The following NSG1 variants were observed in gnomAD, a reference collection of about 807,000 sequenced individuals.
The protein encoded by NSG1 is neuronal vesicle trafficking associated 1.
A neutral mutation model predicts 19.3 loss-of-function variants in NSG1; 9 were observed. The observed-to-expected ratio is 0.47, with a 90% CI of 0.28 to 0.81. The LOEUF (loss-of-function observed/expected upper bound fraction) is 0.81, where lower values mean the gene tolerates loss of function less well. Among genes scored for constraint, NSG1 ranks in the 40% least tolerant of loss-of-function variants. The pLI, the probability that NSG1 is intolerant of heterozygous loss-of-function variation, is 0.11. For missense variants in NSG1, 236 were observed against 242.4 expected, an observed-to-expected ratio of 0.97 and a Z score of 0.18; for synonymous variants, 104 against 107.0, an observed-to-expected ratio of 0.97 and a Z score of 0.17.
chr4:4,416,431 A>G (rs115798205), intron 4 of NSG1, among the ~76,000 whole-genome samples: 3,570 of 152,294 alleles, frequency 0.023, 141 homozygotes, highest in African/African-American at 0.08. Context: ...TGGATTCCCC[A>G]TGGGGGCTGG....
intron 2 of NSG1, among the ~76,000 whole-genome samples, chr4:4,391,105 C>T (rs1407898936): frequency 6.6e-6 from 1 of 152,208 alleles, no homozygotes; most frequent in African/African-American, 2.4e-5. Context: ...GCAGGTGCAG[C>T]CTCCCAGCTT....
intron 3 of NSG1, among the ~76,000 whole-genome samples, chr4:4,408,620 C>G (rs1338332577): frequency 1.3e-5 from 2 of 152,204 alleles, no homozygotes; most frequent in Non-Finnish European, 2.9e-5. Context: ...CACCAACATG[C>G]CCGGCTAATT....
In NSG1 at chr4:4,411,784, A is replaced by AC. The variant is rs1491253266; in HGVS notation, c.357+2101_357+2102insC. The stretch of plus-strand genomic sequence containing the variant: ...AAAACAAAACAAAACAAAACAAAAC[A>AC]AAACAAAACATTGCCTTCTTCCAGA... On this transcript the variant is annotated intron_variant, in intron 4 of 4. Transcript: ENST00000621129. Among the ~76,000 whole-genome samples, 316 of 97,416 alleles carry AC rather than the reference A, an allele frequency of 3.2e-3. 9 individuals carry two copies. Among genetic ancestry groups the AC allele is most frequent in the African/African-American group, 0.031 (277 of 9,024 alleles). 63.9% of individuals were successfully genotyped at this position (97,416 alleles called of 152,430 possible).
chr4:4,410,975 A>C (rs1255854240), intron 4 of NSG1, among the ~76,000 whole-genome samples: 2 of 152,094 alleles, frequency 1.3e-5, no homozygotes, highest in African/African-American at 4.8e-5. Flanking sequence ...CTTCTGCCTC[A>C]GTCTCCTGAG....
intron 3 of NSG1, among the ~76,000 whole-genome samples, chr4:4,408,938 C>G (rs1022408892): frequency 2.0e-5 from 3 of 152,242 alleles, no homozygotes; most frequent in African/African-American, 7.2e-5. Flanking sequence ...CTGTAAACAC[C>G]AGCTGAACAC....
intron 3 of NSG1, among the ~76,000 whole-genome samples, chr4:4,408,296 C>T (rs550222588): frequency 6.7e-4 from 102 of 152,124 alleles, no homozygotes; most frequent in Non-Finnish European, 1.2e-3. Flanking sequence ...CTCCAGGCTG[C>T]TGGGAGGGGC....
In NSG1 at chr4:4,416,017, C is replaced by T. The variant is rs1449265252; in HGVS notation, c.358-1218C>T. ...AGACGCTGTTGATAAAAGGGCTGTACTTCAGTGGTGTCTTTTGGCTTTCTT... is the reference window on the plus strand; with the variant it reads ...AGACGCTGTTGATAAAAGGGCTGTATTTCAGTGGTGTCTTTTGGCTTTCTT... On this transcript the variant is annotated intron_variant, in intron 4 of 4. Coordinates refer to ENST00000621129, the MANE Select transcript of NSG1 (RefSeq NM_014392.5). 39 of 692,526 alleles carry T rather than the reference C, an allele frequency of 5.6e-5. 1 individual carries two copies. Among genetic ancestry groups the T allele is most frequent in the Non-Finnish European group, 4.5e-5 (17 of 380,300 alleles). The allele number at this position is 692,526 out of a possible 1,614,324, so 42.9% of individuals were successfully genotyped here.
chr4:4,408,134 C>T (rs73084375), intron 3 of NSG1, among the ~76,000 whole-genome samples: 5,359 of 152,196 alleles, frequency 0.035, 315 homozygotes, highest in African/African-American at 0.12. Context: ...GTTCCTGAAG[C>T]GGGCAGGGCT....
At position 4,417,392 on chromosome 4, in the gene NSG1, A is replaced by G; in HGVS notation, c.515A>G (p.Lys172Arg). The G allele has an allele frequency of 6.2e-7, 1 of 1,614,228 alleles. No individual in the cohort carries two copies. Among genetic ancestry groups the G allele is most frequent in the Non-Finnish European group, 8.5e-7 (1 of 1,180,046 alleles). The part of the protein sequence containing the change: ...SPWMSVLSEE[K>R]LSEQETEAAE... ...TGGATGTCAGTTCTGTCAGAAGAGAAGCTGTCCGAGCAGGAGACTGAAGCG... is the reference window on the plus strand; with the variant it reads ...TGGATGTCAGTTCTGTCAGAAGAGAGGCTGTCCGAGCAGGAGACTGAAGCG... The change falls in exon 5 of 5, where the codon AAG (lysine) becomes AGG (arginine). Residue 172 changes from lysine to arginine, a missense_variant. Coordinates refer to ENST00000621129, the MANE Select transcript of NSG1 (RefSeq NM_014392.5).
At chr4:4,388,084 G>C (rs1419390686) in intron 2 of NSG1, among the ~76,000 whole-genome samples, 1 of 152,230 alleles carries the variant, frequency 6.6e-6, no homozygotes, top group African/African-American at 2.4e-5. Flanking sequence ...TTGCCCCGTG[G>C]CCCCAGGGGC....
chr4:4,397,217 G>A (rs1034947163), intron 3 of NSG1, among the ~76,000 whole-genome samples: 1 of 151,886 alleles, frequency 6.6e-6, no homozygotes, highest in Admixed American at 6.6e-5. Flanking sequence ...CTCCGCCTGA[G>A]GGTAGGAGGA....
chr4:4,397,965 A>C (rs1229381797), intron 3 of NSG1, among the ~76,000 whole-genome samples: 5 of 150,106 alleles, frequency 3.3e-5, no homozygotes, highest in Admixed American at 2.0e-4. Context: ...TTTCTTTTTT[A>C]CTTTTTGAGA....
chr4:4,387,787 C>A (rs750851255), intron 2 of NSG1, 29 bp downstream of exon 2: 3 of 1,566,730 alleles, frequency 1.9e-6, no homozygotes, highest in Non-Finnish European at 2.6e-6. Flanking sequence ...CTCCACGTTG[C>A]CGGGTGTGCA....
intron 4 of NSG1, chr4:4,416,034 G>C (rs1724512959): frequency 1.4e-6 from 1 of 698,202 alleles, no homozygotes; most frequent in Non-Finnish European, 2.6e-6. Flanking sequence ...GGTGTCTTTT[G>C]GCTTTCTTTT....
At chr4:4,394,656 C>T (rs986549265) in intron 3 of NSG1, among the ~76,000 whole-genome samples, 2 of 152,222 alleles carry the variant, frequency 1.3e-5, no homozygotes, top group Non-Finnish European at 2.9e-5. Context: ...GGAACTTACT[C>T]ATCAGCCGCT....
At chr4:4,416,629 C>T (rs974065636) in intron 4 of NSG1, among the ~76,000 whole-genome samples, 2 of 152,166 alleles carry the variant, frequency 1.3e-5, no homozygotes, top group African/African-American at 2.4e-5. Flanking sequence ...TCCTGATAAA[C>T]CTCTGTAAGA....
chr4:4,412,890 T>A lies in NSG1; in HGVS notation c.357+3207T>A, dbSNP rs567094469. 4.7e-4 allele frequency among the ~76,000 whole-genome samples: 72 copies of A among 152,274 alleles called. 1 individual carries two copies. The highest frequency in any genetic ancestry group is 2.9e-5 in the Non-Finnish European group (2 of 68,004). ...GGCTTGGCAGCTGTCACTGGGTAGC[T>A]TGGGTTTGGGTTTCATTTAGGTTTT... On this transcript the variant is annotated intron_variant, in intron 4 of 4. Coordinates refer to ENST00000621129, the MANE Select transcript of NSG1 (RefSeq NM_014392.5).
intron 3 of NSG1, among the ~76,000 whole-genome samples, chr4:4,397,152 CTTTT>C (rs75001083): frequency 7.2e-6 from 1 of 139,616 alleles, no homozygotes; most frequent in Non-Finnish European, 1.6e-5. Context: ...AAGTTTTTTC[CTTTT>C]TTTTTTTTTT....
At position 4,418,623 on chromosome 4, in the gene NSG1, T is replaced by C. The variant is rs537499825; in HGVS notation, c.*1188T>C. On this transcript the variant is annotated 3_prime_UTR_variant, in exon 5 of 5. Transcript: ENST00000621129. Reference sequence around the variant, plus strand: ...GACATTTCTTCTATGTTATTGAATGTGTTGTTTCTGGTGTACGTGTCAAAA... The same window carrying C: ...GACATTTCTTCTATGTTATTGAATGCGTTGTTTCTGGTGTACGTGTCAAAA... 1 of 152,768 alleles carries C rather than the reference T, an allele frequency of 6.5e-6. No individual in the cohort carries two copies. The highest frequency in any genetic ancestry group is 2.4e-5 in the African/African-American group (1 of 41,576). 9.5% of individuals were successfully genotyped at this position (152,768 alleles called of 1,614,324 possible). A position where few individuals can be genotyped will look rare whatever the true frequency, so the allele number is the denominator to read the frequency against.
Sources: gnomAD v4.1 joint callset for allele counts (sites outside exome capture counted in the v4.1 genomes callset) on GRCh38, gnomAD v4.1.1 for gene constraint, MANE v1.5 for transcripts, NCBI Gene and HGNC (gene_info 2026-07-23, HGNC 2026-07-21) for gene names.